The following MCMBP variants were observed in gnomAD, a reference collection of about 807,000 sequenced individuals.
MCMBP encodes the protein mini-chromosome maintenance complex-binding protein.
Under a neutral mutation model 81.3 loss-of-function variants are expected in MCMBP, and 31 were observed. The observed-to-expected ratio is 0.38, with a 90% confidence interval of 0.29 to 0.51. MCMBP has a LOEUF of 0.51. Ranked by LOEUF, MCMBP falls within the 20% of genes least tolerant of loss-of-function variation. MCMBP has a pLI of 0.87. For missense variants in MCMBP, 645 were observed against 772.1 expected (o/e 0.84, Z 1.95); for synonymous variants, 267 against 275.9 (o/e 0.97, Z 0.32).
chr10:119,857,097 C>CA (rs34331152), intron 5 of MCMBP, among the ~76,000 whole-genome samples: 27,730 of 81,584 alleles, frequency 0.34, 4,101 homozygotes, highest in Admixed American at 0.47. Flanking sequence ...GTCCCTATCT[C>CA]AAAAAAAAAA....
intron 1 of MCMBP, 99 bp from the exon 2 acceptor site, chr10:119,859,983 AAACT>A: frequency 2.4e-6 from 2 of 839,346 alleles, no homozygotes; most frequent in Non-Finnish European, 3.7e-6. Context: ...AGCAAAAAAC[AAACT>A]AAAATTAGCT....
At chr10:119,863,728 C>CAAAAAAAAAAAAA in intron 1 of MCMBP, among the ~76,000 whole-genome samples, 1 of 20,204 alleles carries the variant, frequency 4.9e-5, no homozygotes, top group Non-Finnish European at 8.2e-5. Context: ...GGCTCAGACT[C>CAAAAAAAAAAAAA]AAAAAAAAAA....
upstream of MCMBP, chr10:119,873,501 T>G (rs1484695560): frequency 6.6e-6 from 1 of 152,222 alleles, no homozygotes; most frequent in Non-Finnish European, 1.5e-5. Flanking sequence ...TCGGCGTCTG[T>G]CTGGAAGCTG....
rs778169958 is a variant in MCMBP, at chr10:119,834,785, T to TG, written c.1707+754dup. Among the ~76,000 whole-genome samples, 4 of 127,490 alleles carry TG rather than the reference T, an allele frequency of 3.1e-5. No homozygotes were observed. The East Asian group carries it at 7.4e-4, about 23-fold the overall frequency. 83.6% of individuals were successfully genotyped at this position (127,490 alleles called of 152,430 possible). On this transcript the variant is annotated intron_variant, in intron 14 of 15. Coordinates refer to ENST00000369077, the MANE Select transcript of MCMBP (RefSeq NM_001256378.2). ...CTGAAGTGGGAGGATCGCTTGAACCTGGGGGGGTTGAGGCTGCAGTGAGCC... is the reference window on the plus strand; with the variant it reads ...CTGAAGTGGGAGGATCGCTTGAACCTGGGGGGGGTTGAGGCTGCAGTGAGCC...
intron 10 of MCMBP, among the ~76,000 whole-genome samples, chr10:119,841,953 G>A (rs563133489): frequency 6.6e-6 from 1 of 152,192 alleles, no homozygotes; most frequent in African/African-American, 2.4e-5. Context: ...ACCAGTACTG[G>A]TTCATGGCCT....
chr10:119,844,681 G>A lies in MCMBP; in HGVS notation c.828-1255C>T, dbSNP rs569794397. 3.9e-5 allele frequency among the ~76,000 whole-genome samples: 6 copies of A among 152,276 alleles called. No individual in the cohort carries two copies. The South Asian group carries it at 6.2e-4, about 16-fold the overall frequency. Reference sequence around the variant, plus strand: ...AAAGGAGATTAACATTTGAGTCAGCGGGCTGGGAGAGGCAGACCCACCCTC... The same window carrying A: ...AAAGGAGATTAACATTTGAGTCAGCAGGCTGGGAGAGGCAGACCCACCCTC... On this transcript the variant is annotated intron_variant, in intron 8 of 15. Transcript: ENST00000369077.
At chr10:119,838,263 CATT>C (rs909480758) in intron 12 of MCMBP, among the ~76,000 whole-genome samples, 48 of 147,470 alleles carry the variant, frequency 3.3e-4, no homozygotes, top group African/African-American at 1.1e-3. Flanking sequence ...TTAAATGAGA[CATT>C]ATATATTATA....
intron 8 of MCMBP, among the ~76,000 whole-genome samples, chr10:119,843,858 C>T (rs1355357104): frequency 6.6e-6 from 1 of 151,992 alleles, no homozygotes; most frequent in African/African-American, 2.4e-5. Flanking sequence ...GACAGGGTTT[C>T]ACTATGTTGG....
Position 119,872,542 on chromosome 10 carries a change from C to T in MCMBP, c.43G>A (p.Val15Met). 2 of 1,190,446 alleles carry T rather than the reference C, an allele frequency of 1.7e-6. No individual in the cohort carries two copies. Among genetic ancestry groups the T allele is most frequent in the Non-Finnish European group, 1.0e-6 (1 of 954,202 alleles). 73.7% of individuals were successfully genotyped at this position (1,190,446 alleles called of 1,614,324 possible). Reference protein sequence around the residue: ...EDWLSHPLGIVQGFFAQNGVN... With the variant: ...EDWLSHPLGIMQGFFAQNGVN... ...CGCCACTCACCGAAGAATCCCTGCA[C>T]GATTCCCAGCGGGTGGCTGAGCCAA... Residue 15 changes from valine (V) to methionine (M), a missense_variant, in exon 1 of 16, where the codon GTG becomes ATG. By Grantham distance (21) the Val-to-Met change is conservative. Coordinates refer to ENST00000369077, the MANE Select transcript of MCMBP (RefSeq NM_001256378.2).
chr10:119,863,022 G>C (rs992956054), intron 1 of MCMBP, among the ~76,000 whole-genome samples: 6 of 152,122 alleles, frequency 3.9e-5, no homozygotes, highest in Admixed American at 3.9e-4. Flanking sequence ...AATTACTGCT[G>C]TGTTTTCTTA....
intron 6 of MCMBP, among the ~76,000 whole-genome samples, chr10:119,852,152 CAAAAAAAAAA>C (rs34142128): frequency 0.038 from 2,026 of 53,150 alleles, 23 homozygotes; most frequent in Non-Finnish European, 0.05. Context: ...AACTCTGTCT[CAAAAAAAAAA>C]AAAAAAAAAA....
At chr10:119,851,118 T>A (rs1852810156) in intron 6 of MCMBP, among the ~76,000 whole-genome samples, 1 of 152,042 alleles carries the variant, frequency 6.6e-6, no homozygotes, top group African/African-American at 2.4e-5. Context: ...TGTGCCTGCC[T>A]CGGCCTCCTG....
intron 6 of MCMBP, among the ~76,000 whole-genome samples, chr10:119,850,823 C>T (rs1311156180): frequency 3.4e-5 from 5 of 147,374 alleles, no homozygotes; most frequent in South Asian, 2.1e-4. Flanking sequence ...ACTATAATTA[C>T]GTAAGGTATT....
Position 119,831,999 on chromosome 10 carries a change from G to T in MCMBP, c.1796+13C>A. Reference sequence around the variant, plus strand: ...GCTTACCGAAACAGCAATAATGGACGTGCGCCACTTACCGAGCCACCACGA... The same window carrying T: ...GCTTACCGAAACAGCAATAATGGACTTGCGCCACTTACCGAGCCACCACGA... On this transcript the variant is annotated intron_variant, in intron 15 of 15. Transcript: ENST00000369077. 6.2e-7 allele frequency: 1 copy of T among 1,603,966 alleles called. No homozygotes were observed. Among genetic ancestry groups the T allele is most frequent in the Non-Finnish European group, 8.5e-7 (1 of 1,175,762 alleles).
Position 119,835,596 on chromosome 10 carries a change from T to C in MCMBP, c.1651A>G (p.Ile551Val), listed in dbSNP as rs750109366. ...AAGAATCTCAAAAGAGTTAGATAAA[T>C]GCGGAATTTGTTCAGCACGGAAGGC... ...VLPSVLNKFR[I>V]YLTLLRFLEY... Residue 551 changes from isoleucine (I) to valine (V), a missense_variant, in exon 14 of 16, where the codon ATT becomes GTT. Physicochemically the swap from Ile to Val is conservative, Grantham distance 29. Coordinates refer to ENST00000369077, the MANE Select transcript of MCMBP (RefSeq NM_001256378.2). The C allele has an allele frequency of 2.5e-6, 4 of 1,614,106 alleles. No homozygotes were observed. Among genetic ancestry groups the C allele is most frequent in the Non-Finnish European group, 2.5e-6 (3 of 1,180,028 alleles).
chr10:119,839,719 G>A (rs1852368492), intron 11 of MCMBP, among the ~76,000 whole-genome samples: 3 of 152,224 alleles, frequency 2.0e-5, no homozygotes, highest in Non-Finnish European at 4.4e-5. Flanking sequence ...ACTATGGAAA[G>A]TTTACGAATA....
chr10:119,841,478 T>C (rs1208238346), intron 10 of MCMBP, among the ~76,000 whole-genome samples: 6 of 152,244 alleles, frequency 3.9e-5, no homozygotes, highest in Non-Finnish European at 8.8e-5. Flanking sequence ...TACAGTATGG[T>C]ACAACTGCAT....
At chr10:119,854,220 T>G (rs962574632) in intron 5 of MCMBP, among the ~76,000 whole-genome samples, 1 of 151,902 alleles carries the variant, frequency 6.6e-6, no homozygotes, top group Admixed American at 6.6e-5. Context: ...TTTTGTATTT[T>G]TTGTAGAGAC....
intron 9 of MCMBP, 107 bp downstream of exon 9, chr10:119,843,147 G>T: frequency 1.6e-6 from 2 of 1,223,820 alleles, no homozygotes; most frequent in Non-Finnish European, 1.2e-6. Context: ...CTTATTGTGA[G>T]GAATGAAGAC....
Sources: gnomAD v4.1 joint callset for allele counts (sites outside exome capture counted in the v4.1 genomes callset) on GRCh38, gnomAD v4.1.1 for gene constraint, MANE v1.5 for transcripts, NCBI Gene and HGNC (gene_info 2026-07-23, HGNC 2026-07-21) for gene names.